PACC1: variants seen among roughly 807,000 people sequenced by gnomAD.
PACC1 encodes proton activated chloride channel 1, also known as proton-activated chloride channel.
A neutral mutation model predicts 39.7 loss-of-function variants in PACC1; 34 were observed. The ratio of observed to expected loss-of-function variants is 0.86; its 90% CI spans 0.65 to 1.14. PACC1 has a LOEUF of 1.14. Ranked by LOEUF, PACC1 falls within the 50% of genes most tolerant of loss-of-function variation. The pLI is 0.00. For synonymous variants in PACC1, 127 were observed against 160.6 expected, an observed-to-expected ratio of 0.79 and a Z score of 1.58; for missense variants, 379 against 436.4, an observed-to-expected ratio of 0.87 and a Z score of 1.17.
At chr1:212,409,955 A>T (rs528795088) in intron 2 of PACC1, among the ~76,000 whole-genome samples, 2 of 152,210 alleles carry the variant, frequency 1.3e-5, no homozygotes, top group East Asian at 3.9e-4. Flanking sequence ...AGCAGCGTGT[A>T]TCCGGGCGGA....
intron 2 of PACC1, 66 bp downstream of exon 2, chr1:212,410,359 G>A: frequency 1.4e-6 from 2 of 1,460,576 alleles, no homozygotes; most frequent in Non-Finnish European, 1.9e-6. Flanking sequence ...TCCCACAGTT[G>A]GCAAGGCGCC....
chr1:212,412,879 C>T (rs958985331), intron 1 of PACC1, among the ~76,000 whole-genome samples: 3 of 152,180 alleles, frequency 2.0e-5, no homozygotes, highest in Non-Finnish European at 4.4e-5. Context: ...CTTTCCACAC[C>T]AACTTATCTA....
At chr1:212,401,455 G>A (rs182752203) in intron 2 of PACC1, among the ~76,000 whole-genome samples, 5 of 151,640 alleles carry the variant, frequency 3.3e-5, no homozygotes, top group African/African-American at 9.7e-5. Flanking sequence ...GCAAAACCTC[G>A]TCTCTACTAA....
At chr1:212,410,028 G>C (rs17018996) in intron 2 of PACC1, 2,744 of 191,484 alleles carry the variant, frequency 0.014, 80 homozygotes, top group African/African-American at 0.059. Flanking sequence ...TGACTGATGG[G>C]ACCCTGCTTA....
chr1:212,368,003 C>T (rs570728853), intron 7 of PACC1, among the ~76,000 whole-genome samples: 58 of 152,188 alleles, frequency 3.8e-4, no homozygotes, highest in Middle Eastern at 3.4e-3. Context: ...TGCCTTACCC[C>T]TCCCCAACTC....
chr1:212,414,054 G>A (rs1571690151), intron 1 of PACC1: 1 of 1,535,192 alleles, frequency 6.5e-7, no homozygotes, highest in African/African-American at 1.4e-5. Context: ...GGCAGGGCTT[G>A]CTTGAAGGAA....
chr1:212,407,922 A>G (rs1447695017), intron 2 of PACC1, among the ~76,000 whole-genome samples: 1 of 152,130 alleles, frequency 6.6e-6, no homozygotes, highest in African/African-American at 2.4e-5. Flanking sequence ...TAAAAATAAA[A>G]AAGTAGCTGG....
intron 4 of PACC1, among the ~76,000 whole-genome samples, chr1:212,383,886 G>C (rs1660997196): frequency 1.3e-5 from 2 of 152,106 alleles, no homozygotes; most frequent in Admixed American, 1.3e-4. Flanking sequence ...CGCTTCTGTA[G>C]AGAATGGTTC....
intron 2 of PACC1, among the ~76,000 whole-genome samples, chr1:212,388,711 G>A (rs1045093552): frequency 3.9e-5 from 6 of 152,288 alleles, no homozygotes; most frequent in Admixed American, 3.9e-4. Context: ...TTGGATTCTC[G>A]CTTCCAGAAC....
chr1:212,385,054 A>G (rs1350735852), intron 4 of PACC1, among the ~76,000 whole-genome samples: 3 of 152,216 alleles, frequency 2.0e-5, no homozygotes, highest in African/African-American at 7.2e-5. Context: ...ATCCCTGAGC[A>G]TTACTCAGCA....
chr1:212,366,144 T>G (rs917860655), intron 7 of PACC1, among the ~76,000 whole-genome samples: 1 of 152,214 alleles, frequency 6.6e-6, no homozygotes, highest in Non-Finnish European at 1.5e-5. Flanking sequence ...GCAGAGCTAT[T>G]TATCCTATGA....
At chr1:212,393,141 C>T (rs1016846837) in intron 2 of PACC1, among the ~76,000 whole-genome samples, 19 of 152,328 alleles carry the variant, frequency 1.2e-4, no homozygotes, top group African/African-American at 4.6e-4. Context: ...ACATTCTTCT[C>T]AGCACCACAC....
At position 212,385,338 on chromosome 1, in the gene PACC1, G is replaced by C; in HGVS notation, c.431C>G (p.Pro144Arg). Residue 144 changes from proline to arginine, a missense_variant, in exon 4 of 8, where the codon CCG becomes CGG. Transcript: ENST00000261455. ...VIPPLTSPGQ[P>R]GDMNCTTQRI... ...CTGGGTGGTGCAATTCATGTCACCC[G>C]GCTGGCCAGGGCTTGTCAGAGGAGG... 1 of 1,614,102 alleles carries C rather than the reference G, an allele frequency of 6.2e-7. No individual in the cohort carries two copies. The highest frequency in any genetic ancestry group is 2.2e-5 in the East Asian group (1 of 44,870).
At chr1:212,392,256 T>A (rs1030039350) in intron 2 of PACC1, among the ~76,000 whole-genome samples, 29 of 152,252 alleles carry the variant, frequency 1.9e-4, no homozygotes, top group Admixed American at 9.2e-4. Context: ...CAGCAGAAAC[T>A]CTACAAGCCA....
Position 212,413,903 on chromosome 1 carries a change from A to C in PACC1, c.36+819T>G. 2.0e-6 allele frequency: 3 copies of C among 1,534,122 alleles called. No individual in the cohort carries two copies. In the Admixed American group the frequency reaches 5.9e-5, roughly 30 times the overall value. ...CAAACTGGAGGAGGACCGACCTGGAACTGCCTGACTTTGGCCAATGAGGCG... is the reference window on the plus strand; with the variant it reads ...CAAACTGGAGGAGGACCGACCTGGACCTGCCTGACTTTGGCCAATGAGGCG... On this transcript the variant is annotated intron_variant, in intron 1 of 7. Coordinates refer to ENST00000261455, the MANE Select transcript of PACC1 (RefSeq NM_018252.3).
At position 212,364,367 on chromosome 1, in the gene PACC1, G is replaced by C. The variant is rs1660157352; in HGVS notation, c.*848C>G. On this transcript the variant is annotated 3_prime_UTR_variant, in exon 8 of 8. Coordinates refer to ENST00000261455, the MANE Select transcript of PACC1 (RefSeq NM_018252.3). ...CAGTTAGAACATACCTTGGGAGTCAGATCCATCTTGGGAGTCCAGACTCAT... is the reference window on the plus strand; with the variant it reads ...CAGTTAGAACATACCTTGGGAGTCACATCCATCTTGGGAGTCCAGACTCAT... 1 of 152,154 alleles carries C rather than the reference G, an allele frequency of 6.6e-6. No homozygotes were observed. Among genetic ancestry groups the C allele is most frequent in the South Asian group, 2.1e-4 (1 of 4,824 alleles). 9.4% of individuals were successfully genotyped at this position (152,154 alleles called of 1,614,324 possible).
intron 2 of PACC1, among the ~76,000 whole-genome samples, chr1:212,399,437 T>G (rs1256002203): frequency 6.6e-6 from 1 of 152,118 alleles, no homozygotes; most frequent in Non-Finnish European, 1.5e-5. Context: ...GAATATAACT[T>G]CGTAACAAGT....
At chr1:212,409,630 T>C (rs943705210) in intron 2 of PACC1, among the ~76,000 whole-genome samples, 2 of 152,054 alleles carry the variant, frequency 1.3e-5, no homozygotes, top group Non-Finnish European at 2.9e-5. Flanking sequence ...ACTGAGATGA[T>C]CATGAGGTCA....
chr1:212,388,779 G>T (rs1661196926), intron 2 of PACC1, among the ~76,000 whole-genome samples: 2 of 152,182 alleles, frequency 1.3e-5, no homozygotes. Context: ...TGTTACAGCA[G>T]TCTGAGCTGA....
Sources: allele counts gnomAD v4.1 joint callset (sites outside exome capture counted in the v4.1 genomes callset), GRCh38; gene constraint gnomAD v4.1.1; transcripts MANE v1.5; gene names NCBI Gene and HGNC (gene_info 2026-07-23, HGNC 2026-07-21).